Variants in FRAS1 observed in about 807,000 individuals in gnomAD.
The protein encoded by FRAS1 is Fraser extracellular matrix complex subunit 1.
In FRAS1, 290 loss-of-function variants were observed where a neutral mutation model predicts 435.2. The observed-to-expected ratio is 0.67, with a 90% CI of 0.61 to 0.73. FRAS1 has a LOEUF of 0.73. FRAS1 is among the 30% of genes least tolerant of loss of function. The pLI is 0.00. For missense variants in FRAS1, 4,860 were observed against 5,001.5 expected (o/e 0.97, Z 0.85); for synonymous variants, 1,800 against 1,851.0 (o/e 0.97, Z 0.71).
chr4:78,509,312 T>A (rs1720956600), intron 63 of FRAS1, among the ~76,000 whole-genome samples: 1 of 152,202 alleles, frequency 6.6e-6, no homozygotes, highest in African/African-American at 2.4e-5. Context: ...ATTCTTTTGC[T>A]TGGCTACTTG....
Position 78,387,690 on chromosome 4 carries a change from A to T in FRAS1, c.3964A>T (p.Thr1322Ser). The T allele has an allele frequency of 6.6e-7, 1 of 1,521,952 alleles. No individual in the cohort carries two copies. Among genetic ancestry groups the T allele is most frequent in the Non-Finnish European group, 8.8e-7 (1 of 1,130,506 alleles). The allele number at this position is 1,521,952 out of a possible 1,614,324, so 94.3% of individuals were successfully genotyped here. A position where few individuals can be genotyped will look rare whatever the true frequency, so the allele number is the denominator to read the frequency against. Residue 1322 changes from threonine (T) to serine (S), a missense_variant, in exon 29 of 74, where the codon ACC becomes TCC. Physicochemically the swap from Thr to Ser is moderately conservative, Grantham distance 58. Transcript: ENST00000512123. ...CCATAATATACTGTTCCAAGTGAAG[A>T]CCGTGCCTCAGGTAGGTGTCATTCC... ...SFHNILFQVK[T>S]VPQNDRGLQL...
At chr4:78,252,266 C>A in intron 4 of FRAS1, 126 bp from the exon 5 acceptor site, 2 of 925,136 alleles carry the variant, frequency 2.2e-6, no homozygotes, top group Non-Finnish European at 3.2e-6. Flanking sequence ...AAGCTCATAG[C>A]TTTATTCCAC....
chr4:78,363,156 C>G (rs1459995433), intron 20 of FRAS1, among the ~76,000 whole-genome samples: 1 of 152,162 alleles, frequency 6.6e-6, no homozygotes, highest in East Asian at 1.9e-4. Context: ...ACTCCAGTCT[C>G]AGACCCCCAG....
intron 24 of FRAS1, among the ~76,000 whole-genome samples, chr4:78,373,483 T>TAATAAC (rs1553951553): frequency 6.7e-6 from 1 of 149,168 alleles, no homozygotes; most frequent in Non-Finnish European, 1.5e-5. Flanking sequence ...ATAATAATAA[T>TAATAAC]AATAGTTGCT....
chr4:78,138,428 G>T (rs1720018544), intron 2 of FRAS1, among the ~76,000 whole-genome samples: 1 of 152,190 alleles, frequency 6.6e-6, no homozygotes, highest in Non-Finnish European at 1.5e-5. Flanking sequence ...CTAGGGATCA[G>T]CGATATTACT....
chr4:78,427,802 T>C (rs1478669033), intron 35 of FRAS1, among the ~76,000 whole-genome samples: 1 of 152,260 alleles, frequency 6.6e-6, no homozygotes, highest in African/African-American at 2.4e-5. Context: ...CTTTCAGATC[T>C]GTCTCAAGGG....
intron 20 of FRAS1, among the ~76,000 whole-genome samples, chr4:78,343,837 C>A (rs988988102): frequency 6.6e-6 from 1 of 152,202 alleles, no homozygotes; most frequent in African/African-American, 2.4e-5. Flanking sequence ...GACACAGTGA[C>A]TGGAAGCCAG....
intron 9 of FRAS1, among the ~76,000 whole-genome samples, chr4:78,276,640 A>T (rs1416238886): frequency 6.6e-6 from 1 of 152,254 alleles, no homozygotes; most frequent in Non-Finnish European, 1.5e-5. Context: ...AATATTGCAG[A>T]ACAGTAAATG....
At chr4:78,332,185 G>A (rs576572607) in intron 18 of FRAS1, among the ~76,000 whole-genome samples, 1 of 152,276 alleles carries the variant, frequency 6.6e-6, no homozygotes, top group African/African-American at 2.4e-5. Context: ...GTATGATAAG[G>A]GAGGTGGTGG....
Position 78,387,544 on chromosome 4 carries a change from C to G in FRAS1, c.3818C>G (p.Ala1273Gly). ...GQLLQTLQSP[A>G]TPIYQFQLDE... ...TTGCTTCAGACACTTCAGTCCCCGGCAACCCCTATCTATCAATTCCAGCTG... is the reference window on the plus strand; with the variant it reads ...TTGCTTCAGACACTTCAGTCCCCGGGAACCCCTATCTATCAATTCCAGCTG... Residue 1273 changes from alanine (A) to glycine (G), a missense_variant, in exon 29 of 74, where the codon GCA becomes GGA. Ala to Gly is a moderately conservative substitution (Grantham distance 60, BLOSUM62 0). Transcript: ENST00000512123. 6.2e-7 allele frequency: 1 copy of G among 1,613,858 alleles called. No individual in the cohort carries two copies. The highest frequency in any genetic ancestry group is 2.2e-5 in the East Asian group (1 of 44,864).
chr4:78,359,180 A>T (rs935762263), intron 20 of FRAS1, among the ~76,000 whole-genome samples: 37 of 130,126 alleles, frequency 2.8e-4, no homozygotes, highest in African/African-American at 1.1e-3. Context: ...AGATCACAGC[A>T]TCCCCGGGCT....
At chr4:78,083,441 T>C (rs1267959898) in intron 2 of FRAS1, among the ~76,000 whole-genome samples, 1 of 152,108 alleles carries the variant, frequency 6.6e-6, no homozygotes, top group Non-Finnish European at 1.5e-5. Flanking sequence ...GAGACCTGGC[T>C]TAAAGACAAA....
In FRAS1 at chr4:78,286,526, C is replaced by A; in HGVS notation, c.1521C>A (p.Arg507=). 1 of 1,612,742 alleles carries A rather than the reference C, an allele frequency of 6.2e-7. No homozygotes were observed. The highest frequency in any genetic ancestry group is 8.5e-7 in the Non-Finnish European group (1 of 1,179,812). ...GTGGGGACGGCTTCTACCAAGATCG[C>A]CATTCCTGTGCAGGTAATCTCTGGC... The part of the protein sequence containing the change: ...PTCGDGFYQD[R]HSCAVCHESC... The change falls in exon 14 of 74, where the codon CGC becomes CGA. Residue 507 remains arginine (R), a synonymous_variant. Coordinates refer to ENST00000512123, the MANE Select transcript of FRAS1 (RefSeq NM_025074.7).
In FRAS1 at chr4:78,061,718, T is replaced by G. The variant is rs539357072; in HGVS notation, c.76+3633T>G. Among the ~76,000 whole-genome samples, 14 of 152,332 alleles carry G rather than the reference T, an allele frequency of 9.2e-5. 1 individual carries two copies. The South Asian group carries it at 2.9e-3, about 32-fold the overall frequency. ...AGAACTTGGCTGGAAAAAAGTAACC[T>G]AATTCTTTTATTCTGCAAGCCTTTA... is the stretch of plus-strand genomic sequence containing the variant. On this transcript the variant is annotated intron_variant, in intron 1 of 73. Coordinates refer to ENST00000512123, the MANE Select transcript of FRAS1 (RefSeq NM_025074.7).
chr4:78,488,936 T>C lies in FRAS1; in HGVS notation c.8814T>C (p.His2938=). 6.2e-7 allele frequency: 1 copy of C among 1,613,540 alleles called. No individual in the cohort carries two copies. Among genetic ancestry groups the C allele is most frequent in the Non-Finnish European group, 8.5e-7 (1 of 1,179,710 alleles). ...TGAAGGAGAAGGAGGGTGTCCTGCA[T>C]GTCCCTATCACTCGGAGCGGAGACC... The part of the protein sequence containing the change: ...LLVKEKEGVL[H]VPITRSGDLS... Residue 2938 remains histidine (H), a synonymous_variant, in exon 59 of 74, where the codon CAT becomes CAC. Transcript: ENST00000512123.
chr4:78,317,285 C>G (rs1729304580), intron 16 of FRAS1, 83 bp from the exon 17 acceptor site: 2 of 1,515,564 alleles, frequency 1.3e-6, no homozygotes, highest in Non-Finnish European at 1.8e-6. Context: ...ACTAAGAGTC[C>G]CAGGCCCGTG....
At chr4:78,398,161 T>C (rs1346866804) in intron 29 of FRAS1, among the ~76,000 whole-genome samples, 1 of 152,184 alleles carries the variant, frequency 6.6e-6, no homozygotes, top group Non-Finnish European at 1.5e-5. Flanking sequence ...TTTCTCCTTA[T>C]ATACTGCAAA....
chr4:78,534,473 G>A lies in FRAS1; in HGVS notation c.10950G>A (p.Gln3650=). 3 of 1,613,142 alleles carry A rather than the reference G, an allele frequency of 1.9e-6. No individual in the cohort carries two copies. The highest frequency in any genetic ancestry group is 2.5e-6 in the Non-Finnish European group (3 of 1,179,524). ...PERFLIPIAF[Q]QTNRPVPVVY... ...GATTCCTGATACCCATTGCATTCCA[G>A]CAGACCAACCGCCCTGTGCCAGTTG... Residue 3650 remains glutamine, a synonymous_variant, in exon 71 of 74, where the codon CAG becomes CAA. Transcript: ENST00000512123.
intron 64 of FRAS1, among the ~76,000 whole-genome samples, chr4:78,512,025 A>G (rs1045806164): frequency 1.3e-5 from 2 of 152,200 alleles, no homozygotes; most frequent in Non-Finnish European, 2.9e-5. Flanking sequence ...ATGAGTATGT[A>G]TTTTGAGTAT....
Sources: allele counts gnomAD v4.1 joint callset (sites outside exome capture counted in the v4.1 genomes callset), GRCh38; gene constraint gnomAD v4.1.1; transcripts MANE v1.5; gene names NCBI Gene and HGNC (gene_info 2026-07-23, HGNC 2026-07-21).